The following DDX60L variants were observed in gnomAD, a reference collection of about 807,000 sequenced individuals.
DDX60L encodes DExD/H-box 60 like, also known as probable ATP-dependent RNA helicase DDX60-like.
DDX60L carries 191 observed loss-of-function variants against 211.6 expected under a neutral mutation model. The observed-to-expected ratio is 0.90, with a 90% CI of 0.80 to 1.02. The LOEUF (loss-of-function observed/expected upper bound fraction) is 1.02. DDX60L is among the 50% of genes least tolerant of loss of function. The probability of loss-of-function intolerance (pLI) is 0.00; values close to 1 mark genes in which losing one functional copy is unlikely to be tolerated. For synonymous variants in DDX60L, 706 were observed against 694.1 expected, an observed-to-expected ratio of 1.02 and a Z score of -0.27; for missense variants, 2,007 against 1,984.1, an observed-to-expected ratio of 1.01 and a Z score of -0.22.
At chr4:168,448,866 G>A in intron 8 of DDX60L, 87 bp from the exon 9 acceptor site, 3 of 1,222,298 alleles carry the variant, frequency 2.5e-6, no homozygotes, top group Non-Finnish European at 3.4e-6. Context: ...TAGGTCACAA[G>A]GGACATTTCT....
chr4:168,472,534 A>C lies in DDX60L; in HGVS notation c.5-10T>G, dbSNP rs750344765. On this transcript the variant is annotated splice_polypyrimidine_tract_variant and intron_variant, in intron 2 of 37. Transcript: ENST00000682922. ...GCATGATCCTTTGACCCTAAAAATA[A>C]GGAGATTTTTTGAGCCATCAATATT... is the stretch of plus-strand genomic sequence containing the variant. The C allele has an allele frequency of 8.2e-6, 13 of 1,580,670 alleles. No individual in the cohort carries two copies. The East Asian group carries it at 1.2e-4, about 14-fold the overall frequency.
intron 29 of DDX60L, among the ~76,000 whole-genome samples, chr4:168,387,620 T>G (rs375987200): frequency 5.9e-5 from 9 of 152,146 alleles, no homozygotes; most frequent in African/African-American, 2.2e-4. Context: ...ATAATAGCCC[T>G]GGGTAAAGAA....
intron 22 of DDX60L, among the ~76,000 whole-genome samples, chr4:168,407,494 G>A (rs991859666): frequency 1.3e-5 from 2 of 152,068 alleles, no homozygotes; most frequent in South Asian, 2.1e-4. Flanking sequence ...CATCTAAACC[G>A]TAACACCAAG....
intron 22 of DDX60L, among the ~76,000 whole-genome samples, chr4:168,414,024 T>A (rs896198787): frequency 6.6e-6 from 1 of 152,172 alleles, no homozygotes; most frequent in African/African-American, 2.4e-5. Context: ...TGCTCCTATA[T>A]GTCTGGCAGC....
At chr4:168,370,594 C>T (rs528713261) in intron 36 of DDX60L, among the ~76,000 whole-genome samples, 43 of 152,192 alleles carry the variant, frequency 2.8e-4, no homozygotes, top group African/African-American at 9.4e-4. Flanking sequence ...TGAACATTCT[C>T]ACCACAAAAA....
intron 6 of DDX60L, among the ~76,000 whole-genome samples, chr4:168,456,781 T>C (rs1047698619): frequency 3.3e-5 from 5 of 152,178 alleles, no homozygotes; most frequent in African/African-American, 1.2e-4. Flanking sequence ...ATAACATTAT[T>C]TATATGAGCC....
At chr4:168,372,434 T>C (rs1741184564) in intron 35 of DDX60L, among the ~76,000 whole-genome samples, 1 of 152,054 alleles carries the variant, frequency 6.6e-6, no homozygotes, top group South Asian at 2.1e-4. Context: ...GGAATAAAAA[T>C]ACAAGTTCAG....
At chr4:168,462,779 C>T (rs148823606) in intron 4 of DDX60L, among the ~76,000 whole-genome samples, 30 of 151,474 alleles carry the variant, frequency 2.0e-4, no homozygotes, top group South Asian at 4.2e-4. Flanking sequence ...TGCCACTGCA[C>T]GCCAGCCTGG....
At chr4:168,467,144 C>T (rs1758092482) in intron 4 of DDX60L, among the ~76,000 whole-genome samples, 1 of 152,098 alleles carries the variant, frequency 6.6e-6, no homozygotes, top group South Asian at 2.1e-4. Flanking sequence ...CACAGTGGCT[C>T]ATGCCTGTAA....
chr4:168,401,943 C>T (rs1190009237), intron 25 of DDX60L, among the ~76,000 whole-genome samples: 3 of 151,986 alleles, frequency 2.0e-5, no homozygotes, highest in Non-Finnish European at 4.4e-5. Flanking sequence ...TTCTATGTGG[C>T]TTCAATATAT....
chr4:168,361,433 G>A, intron 36 of DDX60L: 1 of 408,274 alleles, frequency 2.4e-6, no homozygotes, highest in Non-Finnish European at 4.4e-6. Context: ...AAAGGGGGAG[G>A]GTGAAATATA....
intron 8 of DDX60L, among the ~76,000 whole-genome samples, 151 bp from the exon 9 acceptor site, chr4:168,448,930 A>C (rs1159331616): frequency 6.6e-6 from 1 of 152,224 alleles, no homozygotes; most frequent in Non-Finnish European, 1.5e-5. Context: ...GTGATCTATA[A>C]GTCCCCAAAC....
rs763280207 is a variant in DDX60L, at chr4:168,373,670, T to C, written c.4772A>G (p.Asn1591Ser). 2 of 1,613,464 alleles carry C rather than the reference T, an allele frequency of 1.2e-6. No individual in the cohort carries two copies. The highest frequency in any genetic ancestry group is 2.2e-5 in the South Asian group (2 of 91,022). ...DNDLLRPETI[N>S]QVILRTVGVS... is the part of the protein sequence containing the mutation. ...TAAGATGTATCCTTCACTTACCTGG[T>C]TGATAGTCTCTGGTCGAAGCAAATC... is the stretch of plus-strand genomic sequence containing the variant. Residue 1591 changes from asparagine (N) to serine (S), a missense_variant, in exon 35 of 38, where the codon AAC becomes AGC. Transcript: ENST00000682922.
At chr4:168,386,071 C>A (rs942471381) in intron 29 of DDX60L, among the ~76,000 whole-genome samples, 5 of 152,026 alleles carry the variant, frequency 3.3e-5, no homozygotes, top group Admixed American at 3.3e-4. Context: ...AGTTCTCAGC[C>A]TTGTTTTCAA....
chr4:168,472,610 T>C, intron 2 of DDX60L, 86 bp from the exon 3 acceptor site: 1 of 1,581,080 alleles, frequency 6.3e-7, no homozygotes, highest in Non-Finnish European at 8.7e-7. Context: ...AATATAGACA[T>C]CCAATTACTT....
chr4:168,462,876 TC>T (rs1331754575), intron 4 of DDX60L, among the ~76,000 whole-genome samples: 1 of 152,062 alleles, frequency 6.6e-6, no homozygotes, highest in Non-Finnish European at 1.5e-5. Context: ...AAGCTCAGCA[TC>T]CCTGATCATT....
chr4:168,403,979 T>C lies in DDX60L; in HGVS notation c.3338+3A>G. ...AAAGATAAATTAAGTTTCAGTTACT[T>C]ACAAAAAAAATATTGCAGGCAACTT... On this transcript the variant is annotated splice_donor_region_variant and intron_variant, in intron 25 of 37. Transcript: ENST00000682922. 2 of 1,457,636 alleles carry C rather than the reference T, an allele frequency of 1.4e-6. No individual in the cohort carries two copies. Among genetic ancestry groups the C allele is most frequent in the Non-Finnish European group, 1.8e-6 (2 of 1,089,172 alleles). The allele number at this position is 1,457,636 out of a possible 1,614,324, so 90.3% of individuals were successfully genotyped here.
In DDX60L at chr4:168,378,454, T is replaced by C; in HGVS notation, c.4385A>G (p.Asp1462Gly). ...TACTAACACGAGCTTTTCCATCACA[T>C]CTTGGGAAAATTGTTGTGAGCCTAT... ...AWKGSQQFSQ[D>G]VMEKLVLVLA... Residue 1462 changes from aspartate (D) to glycine (G), a missense_variant, in exon 33 of 38, where the codon GAT (aspartate) becomes GGT (glycine). Physicochemically the swap from Asp to Gly is moderately conservative, Grantham distance 94. Coordinates refer to ENST00000682922, the MANE Select transcript of DDX60L (RefSeq NM_001012967.3). 6.3e-7 allele frequency: 1 copy of C among 1,575,390 alleles called. No individual in the cohort carries two copies. Among genetic ancestry groups the C allele is most frequent in the Non-Finnish European group, 8.6e-7 (1 of 1,158,288 alleles).
intron 25 of DDX60L, among the ~76,000 whole-genome samples, chr4:168,401,715 T>C (rs532593709): frequency 9.2e-5 from 14 of 152,340 alleles, no homozygotes; most frequent in African/African-American, 3.1e-4. Context: ...GAGTTCACCA[T>C]AGAATTTTTT....
Sources: allele counts gnomAD v4.1 joint callset (sites outside exome capture counted in the v4.1 genomes callset), GRCh38; gene constraint gnomAD v4.1.1; transcripts MANE v1.5; gene names NCBI Gene and HGNC (gene_info 2026-07-23, HGNC 2026-07-21).